The following DNAH9 variants were observed in gnomAD, a reference collection of about 807,000 sequenced individuals.
The protein encoded by DNAH9 is DNAH9 variant protein.
In DNAH9, 345 loss-of-function variants were observed where a neutral mutation model predicts 471.6. That is an observed-to-expected ratio of 0.73 (90% CI 0.67 to 0.80). DNAH9 has a LOEUF of 0.80. Among genes scored for constraint, DNAH9 ranks in the 30% least tolerant of loss-of-function variants. The pLI, the probability that DNAH9 is intolerant of heterozygous loss-of-function variation, is 0.00. For synonymous variants in DNAH9, 2,093 were observed against 2,123.6 expected (o/e 0.99, Z 0.40); for missense variants, 5,407 against 5,609.2 (o/e 0.96, Z 1.15).
Position 11,932,923 on chromosome 17 carries a change from C to T in DNAH9, c.12297+718C>T, listed in dbSNP as rs1488877320. ...CTTCCAGTTAAGGGAATATTCACCT[C>T]GTCAAGGTTATTCTAGTTCAGGAGC... is the stretch of plus-strand genomic sequence containing the variant. On this transcript the variant is annotated intron_variant, in intron 64 of 68. Transcript: ENST00000262442. This position sits in a 1 kb window ranked among gnomAD's most constrained non-coding sequence, Gnocchi z 4.3. 6.6e-6 allele frequency among the ~76,000 whole-genome samples: 1 copy of T among 152,214 alleles called. No individual in the cohort carries two copies. Among genetic ancestry groups the T allele is most frequent in the Admixed American group, 6.5e-5 (1 of 15,284 alleles).
At chr17:11,925,699 T>C (rs1859886) in intron 62 of DNAH9, among the ~76,000 whole-genome samples, 86,634 of 151,988 alleles carry the variant, frequency 0.57, 25,146 homozygotes, top group East Asian at 0.67. Context: ...ATGCAGGGCA[T>C]CAAAATCTTG....
intron 53 of DNAH9, among the ~76,000 whole-genome samples, chr17:11,876,782 C>T (rs1471146036): frequency 2.0e-5 from 3 of 152,194 alleles, no homozygotes; most frequent in Non-Finnish European, 2.9e-5. Flanking sequence ...TGCAGTGGTG[C>T]GATCTCAGCT....
rs1456428019 is a variant in DNAH9, at chr17:11,738,935, G to A, written c.5870G>A (p.Gly1957Glu). The A allele has an allele frequency of 6.2e-7, 1 of 1,614,088 alleles. No homozygotes were observed. The highest frequency in any genetic ancestry group is 1.1e-5 in the South Asian group (1 of 91,086). ...AAGAAGCAGTGGTTCAGCTTCCTTG[G>A]GGAGGAGATCAGCCTGAATCCTTCT... The part of the protein sequence containing the change: ...RDKKQWFSFL[G>E]EEISLNPSVG... The change falls in exon 29 of 69, where the codon GGG becomes GAG. Residue 1957 changes from glycine to glutamate, a missense_variant. By Grantham distance (98) the Gly-to-Glu change is moderately conservative. Coordinates refer to ENST00000262442, the MANE Select transcript of DNAH9 (RefSeq NM_001372.4).
chr17:11,788,998 A>T lies in DNAH9; in HGVS notation c.8061+4459A>T, dbSNP rs911434527. ...TTCTGCCATCTGTTTAATTATATAA[A>T]GTTTTTCTCTTCTATTCTGGTAATA... On this transcript the variant is annotated intron_variant, in intron 41 of 68. Coordinates refer to ENST00000262442, the MANE Select transcript of DNAH9 (RefSeq NM_001372.4). Among the ~76,000 whole-genome samples, 9 of 152,034 alleles carry T rather than the reference A, an allele frequency of 5.9e-5. No individual in the cohort carries two copies. The East Asian group carries it at 1.7e-3, about 29-fold the overall frequency.
intron 17 of DNAH9, among the ~76,000 whole-genome samples, chr17:11,676,873 C>T (rs1276615752): frequency 6.6e-6 from 1 of 151,948 alleles, no homozygotes; most frequent in Non-Finnish European, 1.5e-5. Context: ...ATTCTCATTA[C>T]AATTTAGTTC....
chr17:11,921,221 T>TG (rs1341227681), intron 61 of DNAH9, among the ~76,000 whole-genome samples: 4 of 148,314 alleles, frequency 2.7e-5, no homozygotes, highest in African/African-American at 1.0e-4. Context: ...CCAGCCTGGG[T>TG]GAAAAAAAAG....
intron 43 of DNAH9, among the ~76,000 whole-genome samples, chr17:11,803,379 GGTGTGTGT>G (rs35385819): frequency 6.0e-5 from 9 of 150,444 alleles, no homozygotes; most frequent in African/African-American, 2.2e-4. Flanking sequence ...ATTCTCTAGG[GGTGTGTGT>G]GTGTGTGTGT....
chr17:11,915,820 A>G (rs1004048320), intron 61 of DNAH9, among the ~76,000 whole-genome samples: 7 of 152,216 alleles, frequency 4.6e-5, no homozygotes, highest in African/African-American at 1.7e-4. Flanking sequence ...ACAGCACTCT[A>G]TGTATTTGCT....
chr17:11,753,265 C>CT (rs1482065945), intron 33 of DNAH9, among the ~76,000 whole-genome samples: 2 of 152,210 alleles, frequency 1.3e-5, no homozygotes, highest in Non-Finnish European at 2.9e-5. Context: ...TCATTCACAT[C>CT]TTTTTACTTT....
chr17:11,703,362 T>C (rs1160477620), intron 24 of DNAH9, among the ~76,000 whole-genome samples: 1 of 152,218 alleles, frequency 6.6e-6, no homozygotes, highest in African/African-American at 2.4e-5. Flanking sequence ...GATGAGATTC[T>C]CCATTTCACA....
chr17:11,865,578 T>C (rs926504885), intron 50 of DNAH9, among the ~76,000 whole-genome samples: 2 of 152,078 alleles, frequency 1.3e-5, no homozygotes, highest in African/African-American at 4.8e-5. Context: ...CCTTGCTAGA[T>C]TGGGGAAGTT....
chr17:11,762,802 T>C (rs1267156588), intron 35 of DNAH9, among the ~76,000 whole-genome samples: 1 of 140,764 alleles, frequency 7.1e-6, no homozygotes, highest in Non-Finnish European at 1.5e-5. Context: ...TTTTTTGAGA[T>C]GGAGTCTCAC....
chr17:11,605,723 T>C (rs1458482556), intron 1 of DNAH9, among the ~76,000 whole-genome samples: 1 of 150,884 alleles, frequency 6.6e-6, no homozygotes. Flanking sequence ...CAGGCAGGTC[T>C]CCGACTCCTG....
rs2072956477 is a variant in DNAH9, at chr17:11,625,674, C to T, written c.1351-3743C>T. ...GGTTTTGATTCTTCATCTCAGGGGC[C>T]AGAGCACATATTGAATCCTCCCCAC... On this transcript the variant is annotated intron_variant, in intron 6 of 68. Transcript: ENST00000262442. Among the ~76,000 whole-genome samples, 9 of 152,246 alleles carry T rather than the reference C, an allele frequency of 5.9e-5. No individual in the cohort carries two copies. In the South Asian group the frequency reaches 1.5e-3, roughly 25 times the overall value.
At chr17:11,793,438 T>C in intron 41 of DNAH9, 65 bp from the exon 42 acceptor site, 1 of 1,484,040 alleles carries the variant, frequency 6.7e-7, no homozygotes, top group Non-Finnish European at 9.2e-7. Flanking sequence ...TCCAGGAAGT[T>C]TTCCTAGCTA....
At chr17:11,883,892 G>GGTTCTTC in intron 56 of DNAH9, 142 bp downstream of exon 56, 1 of 966,164 alleles carries the variant, frequency 1.0e-6, no homozygotes, top group African/African-American at 1.7e-5. Context: ...GGTTCTTCTA[G>GGTTCTTC]AAAGTCTACC....
chr17:11,872,500 C>A (rs1311973871), intron 52 of DNAH9, among the ~76,000 whole-genome samples: 1 of 152,058 alleles, frequency 6.6e-6, no homozygotes, highest in Non-Finnish European at 1.5e-5. Context: ...TTCTAGCAAC[C>A]CACAAATACT....
chr17:11,784,163 G>C, intron 40 of DNAH9, 137 bp from the exon 41 acceptor site: 1 of 1,316,854 alleles, frequency 7.6e-7, no homozygotes. Context: ...ACCTAAATTT[G>C]GGCATAGTGT....
intron 49 of DNAH9, among the ~76,000 whole-genome samples, chr17:11,845,816 G>A: frequency 7.3e-6 from 1 of 136,860 alleles, no homozygotes; most frequent in African/African-American, 2.9e-5. Flanking sequence ...TTTGAGAAGT[G>A]TCTGTTCATG....
Sources: allele counts gnomAD v4.1 joint callset (sites outside exome capture counted in the v4.1 genomes callset), GRCh38; gene constraint gnomAD v4.1.1; non-coding constraint Gnocchi (gnomAD v3.1); transcripts MANE v1.5; gene names NCBI Gene and HGNC (gene_info 2026-07-23, HGNC 2026-07-21).